The following POC1B variants were observed in gnomAD, a reference collection of about 807,000 sequenced individuals.
POC1B encodes POC1 centriolar protein homolog B.
POC1B carries 44 observed loss-of-function variants against 60.6 expected under a neutral mutation model. That is an observed-to-expected ratio of 0.73 (90% CI 0.57 to 0.93). The LOEUF (loss-of-function observed/expected upper bound fraction) is 0.93, where lower values mean the gene tolerates loss of function less well. Ranked by LOEUF, POC1B falls within the 40% of genes least tolerant of loss-of-function variation. POC1B has a pLI of 0.00. For synonymous variants in POC1B, 180 were observed against 198.9 expected (o/e 0.90, Z 0.80); for missense variants, 555 against 572.3 (o/e 0.97, Z 0.31).
intron 7 of POC1B, among the ~76,000 whole-genome samples, chr12:89,469,347 C>T (rs1004185073): frequency 6.6e-6 from 1 of 152,128 alleles, no homozygotes; most frequent in Non-Finnish European, 1.5e-5. Context: ...ACCCCTCTTA[C>T]CTACTTGGTT....
At chr12:89,518,308 A>G (rs1261266706) in intron 2 of POC1B, among the ~76,000 whole-genome samples, 3 of 152,196 alleles carry the variant, frequency 2.0e-5, no homozygotes, top group African/African-American at 7.2e-5. Flanking sequence ...TACTAAGCAG[A>G]CTGATTCATT....
intron 10 of POC1B, among the ~76,000 whole-genome samples, chr12:89,458,298 C>T (rs868408009): frequency 6.6e-6 from 1 of 152,194 alleles, no homozygotes; most frequent in South Asian, 2.1e-4. Context: ...TGAACATAAA[C>T]GTACTGAACA....
chr12:89,445,226 T>A (rs942764233), intron 10 of POC1B, among the ~76,000 whole-genome samples: 4 of 152,172 alleles, frequency 2.6e-5, no homozygotes, highest in Non-Finnish European at 4.4e-5. Flanking sequence ...AAGCTACCAA[T>A]GACTTTCTTC....
intron 10 of POC1B, among the ~76,000 whole-genome samples, chr12:89,440,577 T>C (rs1881468612): frequency 6.6e-6 from 1 of 152,204 alleles, no homozygotes; most frequent in African/African-American, 2.4e-5. Context: ...CTCCTTACAC[T>C]TAGGAAAAAA....
At chr12:89,404,382 A>C in the POC1B span, among the ~76,000 whole-genome samples, 1 of 152,188 alleles carries the variant, frequency 6.6e-6, no homozygotes, top group Non-Finnish European at 1.5e-5. Context: ...TGTCTTACTA[A>C]GGACAGTTCA....
At chr12:89,473,445 C>T (rs1042523462) in intron 4 of POC1B, among the ~76,000 whole-genome samples, 7 of 151,964 alleles carry the variant, frequency 4.6e-5, no homozygotes, top group Admixed American at 6.6e-5. Flanking sequence ...CTGAGGCAGG[C>T]GGATCACCTG....
downstream of POC1B, among the ~76,000 whole-genome samples, chr12:89,417,949 A>C (rs1183391582): frequency 6.6e-6 from 1 of 152,228 alleles, no homozygotes; most frequent in Non-Finnish European, 1.5e-5. Context: ...TTGTTATCCT[A>C]TATTCACACA....
intron 9 of POC1B, among the ~76,000 whole-genome samples, chr12:89,465,488 A>G (rs536516011): frequency 6.6e-6 from 1 of 152,314 alleles, no homozygotes; most frequent in Non-Finnish European, 1.5e-5. Flanking sequence ...AGAGTTAATA[A>G]AACCAACTTG....
chr12:89,413,665 G>C, the POC1B span, among the ~76,000 whole-genome samples: 1 of 152,020 alleles, frequency 6.6e-6, no homozygotes, highest in African/African-American at 2.4e-5. Context: ...ATAGAGTTTT[G>C]ACTAACCCTT....
In POC1B at chr12:89,525,106, A is replaced by C. The variant is rs1174366948; in HGVS notation, c.100+14T>G. Reference sequence around the variant, plus strand: ...TTAGTCTCATTACAAAAGCAAAACAAGAATAAGACTTACCAAGTTGCTTGC... The same window carrying C: ...TTAGTCTCATTACAAAAGCAAAACACGAATAAGACTTACCAAGTTGCTTGC... On this transcript the variant is annotated intron_variant, in intron 2 of 11. Coordinates refer to ENST00000313546, the MANE Select transcript of POC1B (RefSeq NM_172240.3). 6.2e-7 allele frequency: 1 copy of C among 1,613,894 alleles called. No homozygotes were observed. The highest frequency in any genetic ancestry group is 1.3e-5 in the African/African-American group (1 of 74,926).
chr12:89,456,592 A>G (rs1882271636), intron 10 of POC1B, among the ~76,000 whole-genome samples: 1 of 152,250 alleles, frequency 6.6e-6, no homozygotes, highest in Non-Finnish European at 1.5e-5. Context: ...GGAATTTGAG[A>G]ACAATATTTT....
intron 10 of POC1B, among the ~76,000 whole-genome samples, chr12:89,439,278 C>G (rs1881411773): frequency 6.6e-6 from 1 of 152,186 alleles, no homozygotes; most frequent in South Asian, 2.1e-4. Flanking sequence ...TGCCCCACTC[C>G]ATCTCTGGGT....
chr12:89,506,053 C>A (rs769491053), intron 2 of POC1B, among the ~76,000 whole-genome samples: 6 of 152,162 alleles, frequency 3.9e-5, no homozygotes, highest in Non-Finnish European at 7.3e-5. Flanking sequence ...TGAAGTGATA[C>A]AGGTTGGGGT....
intron 4 of POC1B, among the ~76,000 whole-genome samples, chr12:89,477,077 T>C (rs1445730400): frequency 1.3e-5 from 2 of 152,156 alleles, no homozygotes; most frequent in African/African-American, 2.4e-5. Flanking sequence ...ACAACCGTAA[T>C]GGCCACCATT....
chr12:89,500,119 CA>C, intron 2 of POC1B: 1 of 1,501,556 alleles, frequency 6.7e-7, no homozygotes, highest in Non-Finnish European at 9.2e-7. Context: ...TGGATCATCT[CA>C]AAAATGGCTA....
intron 10 of POC1B, among the ~76,000 whole-genome samples, chr12:89,455,260 A>C (rs1255836593): frequency 1.3e-5 from 2 of 152,210 alleles, no homozygotes; most frequent in Non-Finnish European, 2.9e-5. Context: ...ACTTGAACCC[A>C]GGAACTGGAG....
At chr12:89,464,556 C>G (rs1216024876) in intron 9 of POC1B, among the ~76,000 whole-genome samples, 2 of 124,214 alleles carry the variant, frequency 1.6e-5, no homozygotes, top group African/African-American at 6.3e-5. Context: ...GACATGATCT[C>G]GGCTCACTAC....
intron 10 of POC1B, among the ~76,000 whole-genome samples, chr12:89,436,004 G>C (rs901328500): frequency 6.6e-6 from 1 of 151,448 alleles, no homozygotes; most frequent in Admixed American, 6.6e-5. Flanking sequence ...GAATGTAGTG[G>C]CACGATCTCG....
chr12:89,439,479 C>T (rs1881421902), intron 10 of POC1B, among the ~76,000 whole-genome samples: 1 of 152,202 alleles, frequency 6.6e-6, no homozygotes, highest in African/African-American at 2.4e-5. Flanking sequence ...TATTAAAATG[C>T]AGGGTCTGAT....
Sources: gnomAD v4.1 joint callset for allele counts (sites outside exome capture counted in the v4.1 genomes callset) on GRCh38, gnomAD v4.1.1 for gene constraint, MANE v1.5 for transcripts, NCBI Gene and HGNC (gene_info 2026-07-23, HGNC 2026-07-21) for gene names.